HDAC9: variants seen among roughly 807,000 people sequenced by gnomAD.
HDAC9 encodes histone deacetylase 9, also known as MEF-2 interacting transcription repressor (MITR) protein.
Under a neutral mutation model 139.4 loss-of-function variants are expected in HDAC9, and 41 were observed. The ratio of observed to expected loss-of-function variants is 0.29; its 90% CI spans 0.23 to 0.38. The LOEUF is 0.38. Ranked by LOEUF, HDAC9 falls within the 10% of genes least tolerant of loss-of-function variation. The probability of loss-of-function intolerance (pLI) is 1.00; values close to 1 mark genes in which losing one functional copy is unlikely to be tolerated. For synonymous variants in HDAC9, 517 were observed against 476.2 expected, an observed-to-expected ratio of 1.09 and a Z score of -1.12; for missense variants, 1,147 against 1,297.0, an observed-to-expected ratio of 0.88 and a Z score of 1.78.
At chr7:18,907,337 C>T (rs1269934415) in intron 22 of HDAC9, among the ~76,000 whole-genome samples, 3 of 152,166 alleles carry the variant, frequency 2.0e-5, no homozygotes, top group African/African-American at 7.2e-5. Context: ...AACTGTTAAA[C>T]ACATTTGTCA....
chr7:18,455,142 T>C lies in HDAC9; in HGVS notation c.-41-41120T>C, dbSNP rs548884551. Among the ~76,000 whole-genome samples, 1,076 of 152,214 alleles carry C rather than the reference T, an allele frequency of 7.1e-3. 11 individuals are homozygous for C. Among genetic ancestry groups the C allele is most frequent in the African/African-American group, 0.024 (1,015 of 41,560 alleles). ...AAGGAGACAGGGACATAGAAATAAG[T>C]GTAGTAAAAAAGCCAGATATCTTCC... On this transcript the variant is annotated intron_variant, in intron 1 of 3. Coordinates refer to the HDAC9 transcript ENST00000413509.
At chr7:18,857,596 A>G (rs1290563369) in intron 21 of HDAC9, among the ~76,000 whole-genome samples, 2 of 152,144 alleles carry the variant, frequency 1.3e-5, no homozygotes, top group Non-Finnish European at 2.9e-5. Flanking sequence ...TATCTGTATT[A>G]ATGAACGCAT....
intron 1 of HDAC9, among the ~76,000 whole-genome samples, chr7:18,459,945 T>G (rs1294289629): frequency 1.4e-5 from 2 of 138,640 alleles, no homozygotes; most frequent in Non-Finnish European, 3.1e-5. Flanking sequence ...ACAGATTTGC[T>G]TTTTTTTTTT....
At chr7:18,248,226 T>G (rs1410870159) in intron 2 of HDAC9, among the ~76,000 whole-genome samples, 1 of 152,232 alleles carries the variant, frequency 6.6e-6, no homozygotes, top group African/African-American at 2.4e-5. Flanking sequence ...AATTTGCTAT[T>G]TGATGTTTTT....
intron 21 of HDAC9, among the ~76,000 whole-genome samples, chr7:18,852,856 T>A (rs1412041154): frequency 6.6e-6 from 1 of 152,104 alleles, no homozygotes; most frequent in Non-Finnish European, 1.5e-5. Flanking sequence ...CTTTTTTTTT[T>A]TCCCTCTCTT....
chr7:18,380,916 G>A (rs1785374237), intron 1 of HDAC9, among the ~76,000 whole-genome samples: 1 of 152,094 alleles, frequency 6.6e-6, no homozygotes, highest in African/African-American at 2.4e-5. Flanking sequence ...AGGGCCAGGT[G>A]CTGTGGCTCA....
At chr7:18,656,515 A>T (rs892008777) in intron 11 of HDAC9, among the ~76,000 whole-genome samples, 1 of 152,144 alleles carries the variant, frequency 6.6e-6, no homozygotes, top group Non-Finnish European at 1.5e-5. Context: ...AGATTTTTCA[A>T]GAGAAGTTTC....
At chr7:18,303,180 A>T (rs995344189) in intron 1 of HDAC9, among the ~76,000 whole-genome samples, 1 of 152,262 alleles carries the variant, frequency 6.6e-6, no homozygotes, top group Admixed American at 6.5e-5. Context: ...GCATAAAGCT[A>T]TTAAGTTTTC....
chr7:18,527,584 T>C (rs916919576), intron 2 of HDAC9, among the ~76,000 whole-genome samples: 10 of 152,182 alleles, frequency 6.6e-5, no homozygotes, highest in African/African-American at 2.4e-4. Context: ...AAAGTCATTC[T>C]AAGAATTATA....
chr7:18,358,853 G>T (rs557713177), intron 1 of HDAC9, among the ~76,000 whole-genome samples: 5 of 152,174 alleles, frequency 3.3e-5, no homozygotes, highest in Admixed American at 2.0e-4. Flanking sequence ...TAATAACCAC[G>T]TTAGAAGAAT....
At chr7:18,535,837 A>G (rs967877440) in intron 2 of HDAC9, among the ~76,000 whole-genome samples, 1 of 152,172 alleles carries the variant, frequency 6.6e-6, no homozygotes, top group Non-Finnish European at 1.5e-5. Context: ...ACAGAAGAAA[A>G]TAAGAGGGAG....
chr7:18,141,196 G>A (rs959487980), intron 1 of HDAC9, among the ~76,000 whole-genome samples: 1 of 152,186 alleles, frequency 6.6e-6, no homozygotes, highest in Non-Finnish European at 1.5e-5. Flanking sequence ...GCTAGTTTCA[G>A]TACATCTGAA....
chr7:18,665,759 T>G (rs1202301848), intron 11 of HDAC9, among the ~76,000 whole-genome samples: 1 of 148,504 alleles, frequency 6.7e-6, no homozygotes, highest in Non-Finnish European at 1.5e-5. Context: ...ACTATTAGCA[T>G]TTGTGTTCTG....
rs1239144785 is a variant in HDAC9 at position 18,888,996 on chromosome 7, A to G, written c.2803+14400A>G. Among the ~76,000 whole-genome samples, 3 of 152,330 alleles carry G rather than the reference A, an allele frequency of 2.0e-5. No individual in the cohort carries two copies. In the East Asian group the frequency reaches 5.8e-4, roughly 29 times the overall value. On this transcript the variant is annotated intron_variant, in intron 22 of 25. Coordinates refer to ENST00000686413, the MANE Select transcript of HDAC9 (RefSeq NM_178425.4). ...TACCTATTTCAGAAATTATTTTACC[A>G]AACAATTGACTATCTGTGGCGTATC...
In HDAC9 at chr7:19,001,143, GTT is replaced by G. The variant is rs1786727799; in HGVS notation, c.*5082_*5083del. The G allele has an allele frequency of 6.6e-6, 1 of 152,102 alleles. No individual in the cohort carries two copies. The highest frequency in any genetic ancestry group is 1.5e-5 in the Non-Finnish European group (1 of 67,988). The allele number at this position is 152,102 out of a possible 1,614,324, so 9.4% of individuals were successfully genotyped here. ...CATCATCTGGCTACTACCTAATCAT[GTT>G]GTACTAGTTATTGTGGAAAGAAAAT... is the stretch of plus-strand genomic sequence containing the variant. On this transcript the variant is annotated 3_prime_UTR_variant, in exon 26 of 26. Transcript: ENST00000686413.
chr7:18,611,212 CTG>C (rs1203538771), intron 6 of HDAC9, among the ~76,000 whole-genome samples: 2 of 152,114 alleles, frequency 1.3e-5, no homozygotes, highest in Admixed American at 6.6e-5. Context: ...AGACACCACA[CTG>C]TGTTTTTCCA....
chr7:18,153,840 T>A (rs929684146), intron 1 of HDAC9, among the ~76,000 whole-genome samples: 1 of 152,198 alleles, frequency 6.6e-6, no homozygotes, highest in African/African-American at 2.4e-5. Flanking sequence ...AGACTCATAC[T>A]GGTTTCCTTC....
chr7:18,132,747 C>T (rs1373954094), intron 1 of HDAC9, among the ~76,000 whole-genome samples: 1 of 152,074 alleles, frequency 6.6e-6, no homozygotes, highest in South Asian at 2.1e-4. Context: ...ACCTGTGAGG[C>T]CTTAGTTTTA....
At chr7:18,740,771 G>A (rs1004218233) in intron 13 of HDAC9, among the ~76,000 whole-genome samples, 4 of 152,306 alleles carry the variant, frequency 2.6e-5, no homozygotes, top group Admixed American at 6.5e-5. Context: ...TCTTGTGCTG[G>A]TTACCCAAGG....
Sources: gnomAD v4.1 joint callset for allele counts (sites outside exome capture counted in the v4.1 genomes callset) on GRCh38, gnomAD v4.1.1 for gene constraint, MANE v1.5 for transcripts, NCBI Gene and HGNC (gene_info 2026-07-23, HGNC 2026-07-21) for gene names.